Variants in HIBCH observed in about 807,000 individuals in gnomAD.
The protein encoded by HIBCH is 3-hydroxyisobutyryl-CoA hydrolase, mitochondrial.
HIBCH carries 50 observed loss-of-function variants against 58.2 expected under a neutral mutation model. The observed-to-expected ratio is 0.86, with a 90% CI of 0.68 to 1.09. HIBCH has a LOEUF of 1.09. Among genes scored for constraint, HIBCH ranks in the 50% least tolerant of loss-of-function variants. The probability of loss-of-function intolerance (pLI) is 0.00; values close to 1 mark genes in which losing one functional copy is unlikely to be tolerated. For synonymous variants in HIBCH, 151 were observed against 146.9 expected (o/e 1.03, Z -0.20); for missense variants, 450 against 449.7 (o/e 1.00, Z -0.01).
rs921675350 is a variant in HIBCH at position 190,217,541 on chromosome 2, G to A, written c.892-4466C>T. The stretch of plus-strand genomic sequence containing the variant: ...CCTGGGTTAAGGCCATATTTAAGCA[G>A]GACTACTAACCTTTCTACTATGAAA... On this transcript the variant is annotated intron_variant, in intron 11 of 13. Coordinates refer to ENST00000359678, the MANE Select transcript of HIBCH (RefSeq NM_014362.4). This position sits in a 1 kb window ranked among gnomAD's most constrained non-coding sequence, Gnocchi z 4.6. Among the ~76,000 whole-genome samples, 2 of 152,062 alleles carry A rather than the reference G, an allele frequency of 1.3e-5. No individual in the cohort carries two copies. Among genetic ancestry groups the A allele is most frequent in the African/African-American group, 4.8e-5 (2 of 41,386 alleles).
At chr2:190,239,654 T>G (rs574100713) in intron 11 of HIBCH, among the ~76,000 whole-genome samples, 167 of 150,494 alleles carry the variant, frequency 1.1e-3, no homozygotes, top group Non-Finnish European at 2.0e-3. Context: ...GTAGTTTTTT[T>G]TTTTTTTTTT....
At chr2:190,299,518 C>A (rs957180111) in intron 2 of HIBCH, among the ~76,000 whole-genome samples, 17 of 152,108 alleles carry the variant, frequency 1.1e-4, no homozygotes, top group Non-Finnish European at 1.9e-4. Flanking sequence ...CACACACACA[C>A]ACATATCTGA....
chr2:190,262,059 A>G (rs1043487467), intron 6 of HIBCH, among the ~76,000 whole-genome samples: 3 of 151,780 alleles, frequency 2.0e-5, no homozygotes, highest in Middle Eastern at 3.4e-3. Flanking sequence ...CACAGTGCAC[A>G]GTTGTCAGTC....
At position 190,197,583 on chromosome 2, in the gene HIBCH, T is replaced by A. The variant is rs969991086; in HGVS notation, c.*17+7517A>T. Among the ~76,000 whole-genome samples, 1 of 152,180 alleles carries A rather than the reference T, an allele frequency of 6.6e-6. No individual in the cohort carries two copies. The highest frequency in any genetic ancestry group is 2.4e-5 in the African/African-American group (1 of 41,438). Reference sequence around the variant, plus strand: ...CATCAGAGTTGCCACTCTCTGACTCTCCTGGGGCTCAACTCCCACGGTAAT... The same window carrying A: ...CATCAGAGTTGCCACTCTCTGACTCACCTGGGGCTCAACTCCCACGGTAAT... On this transcript the variant is annotated intron_variant, in intron 1 of 1. Transcript: ENST00000399855. The surrounding 1 kb of genome is among the most constrained non-coding windows in gnomAD (Gnocchi z 4.0).
At chr2:190,317,840 TTGAGACA>T (rs1456965150) in intron 1 of HIBCH, among the ~76,000 whole-genome samples, 70 of 151,836 alleles carry the variant, frequency 4.6e-4, no homozygotes, top group African/African-American at 1.7e-3. Context: ...TTTTTTTTTT[TTGAGACA>T]GAGTCTCACC....
In HIBCH at chr2:190,213,082, G is replaced by C. The variant is rs1229408405; in HGVS notation, c.892-7C>G. The C allele has an allele frequency of 1.1e-5, 17 of 1,599,178 alleles. No homozygotes were observed. The highest frequency in any genetic ancestry group is 1.4e-5 in the Non-Finnish European group (16 of 1,166,942). On this transcript the variant is annotated splice_region_variant and splice_polypyrimidine_tract_variant and intron_variant, in intron 11 of 13. Transcript: ENST00000359678. ...GAGACATTTTATTAATTACCTTTTG[G>C]AGGAAAAAATTTACTACTGTTAGTC...
rs1189566156 is a variant in HIBCH at position 190,205,003 on chromosome 2, C to T, written c.*114G>A. The stretch of plus-strand genomic sequence containing the variant: ...TTCTTTTCCCAACCATTTAAAAATG[C>T]GGAAACCATTCTTAGCTTACAGGGT... On this transcript the variant is annotated 3_prime_UTR_variant, in exon 14 of 14. Transcript: ENST00000359678. The T allele has an allele frequency of 1.5e-5, 10 of 685,700 alleles. No homozygotes were observed. The Middle Eastern group carries it at 1.1e-3, about 79-fold the overall frequency. The allele number at this position is 685,700 out of a possible 1,614,324, so 42.5% of individuals were successfully genotyped here. A position where few individuals can be genotyped will look rare whatever the true frequency, so the allele number is the denominator to read the frequency against.
intron 6 of HIBCH, among the ~76,000 whole-genome samples, chr2:190,269,535 A>G (rs1215277047): frequency 6.6e-6 from 1 of 152,218 alleles, no homozygotes; most frequent in East Asian, 1.9e-4. Context: ...ACCATCTCAC[A>G]CCAGTTAGAA....
intron 13 of HIBCH, 186 bp downstream of exon 13, chr2:190,208,694 G>GA: frequency 1.9e-6 from 1 of 522,402 alleles, no homozygotes; most frequent in Non-Finnish European, 3.4e-6. Flanking sequence ...TCAGATTTTG[G>GA]AATATTTGCA....
intron 11 of HIBCH, among the ~76,000 whole-genome samples, chr2:190,233,747 T>C (rs1258115682): frequency 6.6e-6 from 1 of 152,206 alleles, no homozygotes; most frequent in Non-Finnish European, 1.5e-5. Context: ...ACTACCCACA[T>C]GGACGATAAA....
chr2:190,244,632 A>G (rs775709827), intron 11 of HIBCH, among the ~76,000 whole-genome samples: 6 of 152,202 alleles, frequency 3.9e-5, no homozygotes, highest in Non-Finnish European at 7.4e-5. Flanking sequence ...CATGCTTACT[A>G]AAGTCCTCTG....
intron 6 of HIBCH, among the ~76,000 whole-genome samples, chr2:190,286,944 T>C (rs2105981146): frequency 6.6e-6 from 1 of 151,928 alleles, no homozygotes; most frequent in Non-Finnish European, 1.5e-5. Flanking sequence ...GAAAAAAGGC[T>C]CTATATATTA....
chr2:190,215,075 C>T lies in HIBCH; in HGVS notation c.892-2000G>A, dbSNP rs1690598886. On this transcript the variant is annotated intron_variant, in intron 11 of 13. Transcript: ENST00000359678. The surrounding 1 kb of genome is among the most constrained non-coding windows in gnomAD (Gnocchi z 4.4). The stretch of plus-strand genomic sequence containing the variant: ...ATTTTAAAAAGGAAATGAGGCCATT[C>T]TTGGAAGATCCCCTCGGTTTAGCAG... 6.6e-6 allele frequency: 1 copy of T among 152,196 alleles called. No individual in the cohort carries two copies. Among genetic ancestry groups the T allele is most frequent in the Admixed American group, 6.5e-5 (1 of 15,274 alleles). The allele number at this position is 152,196 out of a possible 1,614,324, so 9.4% of individuals were successfully genotyped here.
chr2:190,311,936 G>A (rs898784953), intron 1 of HIBCH, among the ~76,000 whole-genome samples: 1 of 152,188 alleles, frequency 6.6e-6, no homozygotes, highest in East Asian at 1.9e-4. Flanking sequence ...TAATGGACAT[G>A]AGAATGGTGA....
downstream of HIBCH, among the ~76,000 whole-genome samples, chr2:190,203,762 A>C (rs560678662): frequency 9.2e-5 from 14 of 152,246 alleles, no homozygotes; most frequent in South Asian, 2.9e-3. Flanking sequence ...AGAACTGAGA[A>C]AACATAAAGC....
intron 4 of HIBCH, 100 bp from the exon 5 acceptor site, chr2:190,290,585 G>C: frequency 1.3e-6 from 1 of 790,724 alleles, no homozygotes; most frequent in East Asian, 2.7e-5. Flanking sequence ...GGGGAAGGGA[G>C]TACTCTAAAA....
intron 1 of HIBCH, among the ~76,000 whole-genome samples, chr2:190,312,330 T>C (rs1688582294): frequency 6.6e-6 from 1 of 152,154 alleles, no homozygotes; most frequent in Non-Finnish European, 1.5e-5. Context: ...AACACTATAG[T>C]TAGAATATAC....
chr2:190,195,582 T>C (rs1689931942), intron 1 of HIBCH, among the ~76,000 whole-genome samples: 1 of 152,256 alleles, frequency 6.6e-6, no homozygotes, highest in Admixed American at 6.5e-5. Flanking sequence ...TCTGTCCAGA[T>C]CTTTTGCCCA....
At chr2:190,299,536 T>C (rs1469352675) in intron 2 of HIBCH, among the ~76,000 whole-genome samples, 4 of 152,154 alleles carry the variant, frequency 2.6e-5, no homozygotes, top group Non-Finnish European at 5.9e-5. Context: ...TGATATATTC[T>C]TGAGTATAAG....
Sources: gnomAD v4.1 joint callset for allele counts (sites outside exome capture counted in the v4.1 genomes callset) on GRCh38, gnomAD v4.1.1 for gene constraint, Gnocchi (gnomAD v3.1) non-coding constraint, MANE v1.5 for transcripts, NCBI Gene and HGNC (gene_info 2026-07-23, HGNC 2026-07-21) for gene names.